Variants in CYTH1 observed in about 807,000 individuals in gnomAD.
CYTH1 encodes cytohesin 1, also known as cytohesin-1.
In CYTH1, 18 loss-of-function variants were observed where a neutral mutation model predicts 61.8. The observed-to-expected ratio is 0.29, with a 90% CI of 0.20 to 0.43. The LOEUF is 0.43. CYTH1 is among the 20% of genes least tolerant of loss of function. The pLI is 1.00. For synonymous variants in CYTH1, 174 were observed against 184.3 expected, an observed-to-expected ratio of 0.94 and a Z score of 0.45; for missense variants, 336 against 510.5, an observed-to-expected ratio of 0.66 and a Z score of 3.29.
intron 10 of CYTH1, 85 bp from the exon 11 acceptor site, chr17:78,692,578 C>CAG (rs1355840514): frequency 1.5e-6 from 2 of 1,296,624 alleles, no homozygotes; most frequent in Non-Finnish European, 2.2e-6. Flanking sequence ...CCTCTCTTCT[C>CAG]AGAGAGGGTT....
At chr17:78,724,618 C>T (rs1006186537) in intron 1 of CYTH1, among the ~76,000 whole-genome samples, 6 of 152,160 alleles carry the variant, frequency 3.9e-5, no homozygotes, top group South Asian at 2.1e-4. Flanking sequence ...ATGTCCCCTG[C>T]GGGACAAAAC....
At chr17:78,696,508 C>T (rs1364248956) in intron 9 of CYTH1, among the ~76,000 whole-genome samples, 1 of 152,180 alleles carries the variant, frequency 6.6e-6, no homozygotes, top group East Asian at 1.9e-4. Flanking sequence ...CATACACAGA[C>T]ATATACACAC....
intron 1 of CYTH1, among the ~76,000 whole-genome samples, chr17:78,746,631 G>A (rs1015371919): frequency 6.6e-6 from 1 of 152,078 alleles, no homozygotes; most frequent in African/African-American, 2.4e-5. Context: ...TTCACATATT[G>A]ATTTACTCAT....
Position 78,676,010 on chromosome 17 carries a change from C to T in CYTH1, c.*81G>A, listed in dbSNP as rs1340538103. On this transcript the variant is annotated 3_prime_UTR_variant, in exon 14 of 14. Coordinates refer to ENST00000446868, the MANE Select transcript of CYTH1 (RefSeq NM_004762.6). ...GGGGCCTGGCAGAGGACGCTCTGCT[C>T]GGCAGCAGTGCATCCATGGAGGTGC... is the stretch of plus-strand genomic sequence containing the variant. The T allele has an allele frequency of 8.4e-6, 13 of 1,553,950 alleles. No individual in the cohort carries two copies. The highest frequency in any genetic ancestry group is 1.7e-4 in the Middle Eastern group (1 of 5,986).
chr17:78,739,363 A>G (rs1383205123), intron 1 of CYTH1, among the ~76,000 whole-genome samples: 2 of 152,236 alleles, frequency 1.3e-5, no homozygotes, highest in African/African-American at 4.8e-5. Context: ...TCTCCACTCT[A>G]ACGAGATGGG....
At chr17:78,724,998 A>G (rs1482448059) in intron 1 of CYTH1, among the ~76,000 whole-genome samples, 2 of 152,212 alleles carry the variant, frequency 1.3e-5, no homozygotes, top group Admixed American at 1.3e-4. Flanking sequence ...AAAATTCTAC[A>G]TTCTACAAAA....
At chr17:78,703,189 G>A (rs964398347) in intron 3 of CYTH1, among the ~76,000 whole-genome samples, 1 of 151,704 alleles carries the variant, frequency 6.6e-6, no homozygotes, top group Non-Finnish European at 1.5e-5. Context: ...CGAGGTGGGT[G>A]GATCACAAGG....
intron 1 of CYTH1, among the ~76,000 whole-genome samples, chr17:78,728,264 C>T (rs537063697): frequency 6.6e-5 from 10 of 152,242 alleles, no homozygotes; most frequent in Non-Finnish European, 1.2e-4. Context: ...ACATTATTTA[C>T]GCCGGGTGCA....
rs538530863 is a variant in CYTH1 at position 78,684,592 on chromosome 17, T to A, written c.892-3550A>T. On this transcript the variant is annotated intron_variant, in intron 11 of 13. Transcript: ENST00000446868. ...ATTGCTTATTATAAAGAACTAAATA[T>A]TGTAGAAAAGAATACAGGTGAAAGG... Among the ~76,000 whole-genome samples, 41 of 152,350 alleles carry A rather than the reference T, an allele frequency of 2.7e-4. No individual in the cohort carries two copies. The South Asian group carries it at 8.5e-3, about 32-fold the overall frequency.
chr17:78,703,437 TTTATCAGGG>T (rs2093034382), intron 3 of CYTH1, among the ~76,000 whole-genome samples: 1 of 145,510 alleles, frequency 6.9e-6, no homozygotes, highest in Non-Finnish European at 1.5e-5. Flanking sequence ...AAAAAAAAAC[TTTATCAGGG>T]TATAATTTAC....
At chr17:78,687,046 G>C (rs1269762550) in intron 11 of CYTH1, among the ~76,000 whole-genome samples, 1 of 152,160 alleles carries the variant, frequency 6.6e-6, no homozygotes, top group Non-Finnish European at 1.5e-5. Flanking sequence ...CTCCCAAAGT[G>C]CTGGGATTAC....
rs753158347 is a variant in CYTH1, at chr17:78,702,113, A to G, written c.356+9T>C. The G allele has an allele frequency of 6.2e-7, 1 of 1,602,180 alleles. No individual in the cohort carries two copies. The highest frequency in any genetic ancestry group is 1.1e-5 in the South Asian group (1 of 90,826). On this transcript the variant is annotated intron_variant, in intron 5 of 13. Coordinates refer to ENST00000446868, the MANE Select transcript of CYTH1 (RefSeq NM_004762.6). Reference sequence around the variant, plus strand: ...TTCCCTAGCATGCGCATAATCCCCAAGGCCTTACCTCTCCCCTAGGTAGTC... The same window carrying G: ...TTCCCTAGCATGCGCATAATCCCCAGGGCCTTACCTCTCCCCTAGGTAGTC...
rs2093347540 is a variant in CYTH1, at chr17:78,743,117, G to A, written c.23-33385C>T. On this transcript the variant is annotated intron_variant, in intron 1 of 13. Transcript: ENST00000446868. ...AATGTTGCGTAACTATTTTTGTAGA[G>A]ACAGAAAGATGTCTATGTTATACTG... is the stretch of plus-strand genomic sequence containing the variant. Among the ~76,000 whole-genome samples, 2 of 152,078 alleles carry A rather than the reference G, an allele frequency of 1.3e-5. 1 individual carries two copies. The highest frequency in any genetic ancestry group is 1.3e-4 in the Admixed American group (2 of 15,264).
At chr17:78,779,282 C>G (rs2093506370) in intron 1 of CYTH1, among the ~76,000 whole-genome samples, 1 of 151,884 alleles carries the variant, frequency 6.6e-6, no homozygotes, top group Non-Finnish European at 1.5e-5. Flanking sequence ...TGCCTGTAAT[C>G]CCAGCTACTC....
chr17:78,761,477 G>A (rs1423975952), intron 1 of CYTH1, among the ~76,000 whole-genome samples: 2 of 152,156 alleles, frequency 1.3e-5, no homozygotes, highest in Non-Finnish European at 2.9e-5. Flanking sequence ...GGTGGCTCAC[G>A]CCTGTAATCC....
At chr17:78,734,950 G>GA (rs1357126415) in intron 1 of CYTH1, among the ~76,000 whole-genome samples, 2 of 152,076 alleles carry the variant, frequency 1.3e-5, no homozygotes, top group African/African-American at 4.8e-5. Context: ...CCTGCCAGAG[G>GA]AAACTCCATT....
chr17:78,734,199 A>T (rs1219521677), intron 1 of CYTH1, among the ~76,000 whole-genome samples: 1 of 151,798 alleles, frequency 6.6e-6, no homozygotes, highest in East Asian at 1.9e-4. Flanking sequence ...GCAGTGAGCC[A>T]AGATTGCACT....
intron 1 of CYTH1, among the ~76,000 whole-genome samples, chr17:78,741,648 A>G (rs2093342402): frequency 2.0e-5 from 3 of 152,200 alleles, no homozygotes; most frequent in Admixed American, 6.5e-5. Flanking sequence ...CGAGGGCATC[A>G]TACTGCTGCT....
chr17:78,728,006 G>A, intron 1 of CYTH1: 1 of 227,298 alleles, frequency 4.4e-6, no homozygotes, highest in South Asian at 4.4e-5. Context: ...TCATGCAGGT[G>A]TCCTATGGCC....
Sources: allele counts gnomAD v4.1 joint callset (sites outside exome capture counted in the v4.1 genomes callset), GRCh38; gene constraint gnomAD v4.1.1; transcripts MANE v1.5; gene names NCBI Gene and HGNC (gene_info 2026-07-23, HGNC 2026-07-21).